ITGBL1: variants seen among roughly 807,000 people sequenced by gnomAD.
The protein encoded by ITGBL1 is integrin beta-like protein 1.
A neutral mutation model predicts 68.5 loss-of-function variants in ITGBL1; 51 were observed. The ratio of observed to expected loss-of-function variants is 0.74; its 90% CI spans 0.59 to 0.94. The LOEUF is 0.94. Among genes scored for constraint, ITGBL1 ranks in the 40% least tolerant of loss-of-function variants. The probability of loss-of-function intolerance (pLI) is 0.00; values close to 1 mark genes in which losing one functional copy is unlikely to be tolerated. For synonymous variants in ITGBL1, 209 were observed against 227.3 expected (o/e 0.92, Z 0.72); for missense variants, 649 against 647.4 (o/e 1.00, Z -0.03).
intron 8 of ITGBL1, among the ~76,000 whole-genome samples, chr13:101,698,636 A>G (rs1273040320): frequency 6.6e-6 from 1 of 152,226 alleles, no homozygotes; most frequent in Non-Finnish European, 1.5e-5. Flanking sequence ...TATGCAACCT[A>G]TGCATGCATG....
chr13:101,596,306 G>A (rs1027035603), intron 6 of ITGBL1, among the ~76,000 whole-genome samples: 2 of 152,154 alleles, frequency 1.3e-5, no homozygotes, highest in Admixed American at 1.3e-4. Context: ...GGGAGACTTT[G>A]CATACAAACT....
intron 7 of ITGBL1, among the ~76,000 whole-genome samples, chr13:101,667,189 A>T (rs2033241102): frequency 6.6e-6 from 1 of 152,186 alleles, no homozygotes; most frequent in Admixed American, 6.5e-5. Context: ...AGAATAATGT[A>T]TGGCCATTAT....
At chr13:101,490,850 C>G (rs1292508413) in intron 2 of ITGBL1, among the ~76,000 whole-genome samples, 1 of 152,132 alleles carries the variant, frequency 6.6e-6, no homozygotes, top group Non-Finnish European at 1.5e-5. Flanking sequence ...GAAATCATGG[C>G]TGAATAACAG....
intron 4 of ITGBL1, 103 bp from the exon 5 acceptor site, chr13:101,579,184 A>G: frequency 8.3e-7 from 1 of 1,198,728 alleles, no homozygotes; most frequent in Non-Finnish European, 1.2e-6. Context: ...TGGAGCTGTG[A>G]CAGTATTTCA....
intron 7 of ITGBL1, among the ~76,000 whole-genome samples, chr13:101,629,170 ATTC>A (rs1281677244): frequency 1.3e-5 from 2 of 152,032 alleles, no homozygotes; most frequent in Non-Finnish European, 2.9e-5. Context: ...TTTACATTTT[ATTC>A]TTCTTCATTC....
chr13:101,462,059 T>C (rs2048324986), intron 2 of ITGBL1, among the ~76,000 whole-genome samples: 2 of 152,174 alleles, frequency 1.3e-5, no homozygotes, highest in African/African-American at 4.8e-5. Context: ...AGTTCCTTGC[T>C]GGCTGTCAGT....
intron 2 of ITGBL1, among the ~76,000 whole-genome samples, chr13:101,530,171 AC>A (rs749792271): frequency 1.4e-4 from 22 of 152,174 alleles, no homozygotes; most frequent in Non-Finnish European, 2.5e-4. Context: ...TTACTTTAGT[AC>A]GAAGACTAGA....
intron 2 of ITGBL1, among the ~76,000 whole-genome samples, chr13:101,508,221 A>G (rs1393266954): frequency 2.0e-5 from 3 of 152,164 alleles, no homozygotes; most frequent in Non-Finnish European, 4.4e-5. Flanking sequence ...TTGTCTTTCA[A>G]TACTGTATCC....
intron 2 of ITGBL1, among the ~76,000 whole-genome samples, chr13:101,522,716 T>C (rs1354701806): frequency 1.3e-5 from 2 of 152,216 alleles, no homozygotes; most frequent in African/African-American, 4.8e-5. Context: ...TATACAGTTC[T>C]AGGTGCCAGG....
At position 101,658,149 on chromosome 13, in the gene ITGBL1, T is replaced by G. The variant is rs114475292; in HGVS notation, c.1016-34436T>G. The stretch of plus-strand genomic sequence containing the variant: ...TGTACTTTGGCTGGTACCAAATATG[T>G]ATGCTCCTTTTAAGAAACAATGCCA... On this transcript the variant is annotated intron_variant, in intron 7 of 10. Coordinates refer to ENST00000376180, the MANE Select transcript of ITGBL1 (RefSeq NM_004791.3). 3.4e-3 allele frequency among the ~76,000 whole-genome samples: 512 copies of G among 152,320 alleles called. 4 individuals are homozygous for G. The highest frequency in any genetic ancestry group is 0.012 in the African/African-American group (495 of 41,582).
At chr13:101,559,726 C>T (rs1313882971) in intron 2 of ITGBL1, among the ~76,000 whole-genome samples, 1 of 152,176 alleles carries the variant, frequency 6.6e-6, no homozygotes, top group Non-Finnish European at 1.5e-5. Context: ...CCAAACCAAA[C>T]TACTTAAACT....
At chr13:101,701,425 C>T (rs894760728) in intron 8 of ITGBL1, among the ~76,000 whole-genome samples, 1 of 151,948 alleles carries the variant, frequency 6.6e-6, no homozygotes. Flanking sequence ...CCCAGCTATT[C>T]GGGAGGCTGA....
At chr13:101,588,165 C>G (rs2050589456) in intron 6 of ITGBL1, among the ~76,000 whole-genome samples, 1 of 152,122 alleles carries the variant, frequency 6.6e-6, no homozygotes, top group East Asian at 1.9e-4. Context: ...TAATTCCTGC[C>G]TTCCCAGCAT....
chr13:101,689,372 T>C (rs1289939188), intron 7 of ITGBL1, among the ~76,000 whole-genome samples: 2 of 152,074 alleles, frequency 1.3e-5, no homozygotes, highest in African/African-American at 2.4e-5. Flanking sequence ...GATAGGTATA[T>C]GATAATGACT....
chr13:101,618,195 T>C (rs771371214), intron 7 of ITGBL1, among the ~76,000 whole-genome samples: 4 of 152,220 alleles, frequency 2.6e-5, no homozygotes, highest in Non-Finnish European at 5.9e-5. Context: ...TTTGCTATTA[T>C]TTGTTCAACA....
intron 2 of ITGBL1, among the ~76,000 whole-genome samples, chr13:101,523,836 T>G (rs2049326714): frequency 6.6e-6 from 1 of 152,200 alleles, no homozygotes; most frequent in Non-Finnish European, 1.5e-5. Context: ...TCACTTCCAG[T>G]GATTCAGGAC....
chr13:101,504,374 A>T (rs935539418), intron 2 of ITGBL1, among the ~76,000 whole-genome samples: 3 of 152,168 alleles, frequency 2.0e-5, no homozygotes, highest in Admixed American at 6.6e-5. Context: ...CAAGCTCTTA[A>T]CTACTATTTT....
chr13:101,614,728 G>A lies in ITGBL1; in HGVS notation c.1015+16429G>A, dbSNP rs75716571. Among the ~76,000 whole-genome samples, 375 of 152,254 alleles carry A rather than the reference G, an allele frequency of 2.5e-3. 2 individuals are homozygous for A. The highest frequency in any genetic ancestry group is 8.4e-3 in the African/African-American group (350 of 41,544). Reference sequence around the variant, plus strand: ...GCTCAGGGGAGCAATGAGCCAAGGCGAGTTTAGCAGTAAAACCATTGCATG... The same window carrying A: ...GCTCAGGGGAGCAATGAGCCAAGGCAAGTTTAGCAGTAAAACCATTGCATG... On this transcript the variant is annotated intron_variant, in intron 7 of 10. Transcript: ENST00000376180.
At chr13:101,502,910 C>G (rs1011490189) in intron 2 of ITGBL1, among the ~76,000 whole-genome samples, 2 of 152,132 alleles carry the variant, frequency 1.3e-5, no homozygotes, top group African/African-American at 4.8e-5. Flanking sequence ...TTGGATTGTT[C>G]CTTAGTGTTT....
Sources: gnomAD v4.1 joint callset for allele counts (sites outside exome capture counted in the v4.1 genomes callset) on GRCh38, gnomAD v4.1.1 for gene constraint, MANE v1.5 for transcripts, NCBI Gene and HGNC (gene_info 2026-07-23, HGNC 2026-07-21) for gene names.